The following EIF4ENIF1 variants were observed in gnomAD, a reference collection of about 807,000 sequenced individuals.
EIF4ENIF1 encodes eukaryotic translation initiation factor 4E transporter.
Under a neutral mutation model 110.5 loss-of-function variants are expected in EIF4ENIF1, and 23 were observed. The ratio of observed to expected loss-of-function variants is 0.21; its 90% CI spans 0.15 to 0.29. EIF4ENIF1 has a LOEUF of 0.29. Ranked by LOEUF, EIF4ENIF1 falls within the 10% of genes least tolerant of loss-of-function variation. The pLI is 1.00. For synonymous variants in EIF4ENIF1, 440 were observed against 437.0 expected, an observed-to-expected ratio of 1.01 and a Z score of -0.09; for missense variants, 1,031 against 1,221.1, an observed-to-expected ratio of 0.84 and a Z score of 2.32.
Position 31,447,552 on chromosome 22 carries a change from T to A in EIF4ENIF1, c.1862A>T (p.Glu621Val). The change falls in exon 14 of 19, where the codon GAG becomes GTG. Residue 621 changes from glutamate to valine, a missense_variant. Physicochemically the swap from Glu to Val is moderately radical, Grantham distance 121. Transcript: ENST00000330125. ...SPITAQMSQL[E>V]LQQAALEGLA... ...CCCTTCTAAAGCTGCCTGTTGCAAC[T>A]CCAGCTGGCTCATCTGCTGAAAAGG... 6.2e-7 allele frequency: 1 copy of A among 1,604,024 alleles called. No homozygotes were observed. The highest frequency in any genetic ancestry group is 8.5e-7 in the Non-Finnish European group (1 of 1,173,466).
intron 4 of EIF4ENIF1, among the ~76,000 whole-genome samples, chr22:31,467,878 A>T (rs2051244291): frequency 6.6e-6 from 1 of 152,178 alleles, no homozygotes; most frequent in Non-Finnish European, 1.5e-5. Context: ...AAGCATAATG[A>T]GATTTCCAGC....
At chr22:31,448,301 T>G (rs978768136) in intron 12 of EIF4ENIF1, 69 bp from the exon 13 acceptor site, 2 of 1,462,358 alleles carry the variant, frequency 1.4e-6, no homozygotes, top group East Asian at 4.5e-5. Flanking sequence ...TTTTCATTAA[T>G]GCATGACATT....
At chr22:31,452,433 TA>T (rs1174145210) in intron 10 of EIF4ENIF1, among the ~76,000 whole-genome samples, 1 of 152,216 alleles carries the variant, frequency 6.6e-6, no homozygotes, top group Non-Finnish European at 1.5e-5. Context: ...TTTGCTCAGC[TA>T]AAACCAGATA....
At chr22:31,482,697 A>G (rs747277669) in intron 2 of EIF4ENIF1, among the ~76,000 whole-genome samples, 1 of 150,964 alleles carries the variant, frequency 6.6e-6, no homozygotes, top group African/African-American at 2.4e-5. Context: ...CAAACAAAAA[A>G]AAACAGATTA....
intron 2 of EIF4ENIF1, among the ~76,000 whole-genome samples, chr22:31,480,266 T>C (rs1332752951): frequency 2.6e-5 from 4 of 152,188 alleles, no homozygotes; most frequent in African/African-American, 9.6e-5. Flanking sequence ...ATTACTAGTA[T>C]GAACACCCAC....
intron 14 of EIF4ENIF1, among the ~76,000 whole-genome samples, chr22:31,446,016 G>A (rs1046508323): frequency 6.7e-6 from 1 of 148,796 alleles, no homozygotes; most frequent in African/African-American, 2.5e-5. Flanking sequence ...TGGGCCAGGT[G>A]CGGTGGCTCA....
At chr22:31,456,885 G>T (rs920222513) in intron 7 of EIF4ENIF1, among the ~76,000 whole-genome samples, 3 of 152,188 alleles carry the variant, frequency 2.0e-5, no homozygotes, top group African/African-American at 7.2e-5. Flanking sequence ...TGCCTCAGGA[G>T]TAAATCCACG....
At chr22:31,458,365 A>G in intron 7 of EIF4ENIF1, 110 bp downstream of exon 7, 1 of 946,842 alleles carries the variant, frequency 1.1e-6, no homozygotes, top group Non-Finnish European at 1.4e-6. Context: ...ATGTAAGAAT[A>G]AAAGCCAAAA....
Position 31,449,486 on chromosome 22 carries a change from G to C in EIF4ENIF1, c.1630C>G (p.Leu544Val). The C allele has an allele frequency of 6.2e-7, 1 of 1,613,938 alleles. No homozygotes were observed. Among genetic ancestry groups the C allele is most frequent in the South Asian group, 1.1e-5 (1 of 91,074 alleles). ...TCCAAGCTCCCCATAAGGCCACTCA[G>C]AAGATTGGAAGAAGCAGGTCTCTGA... Reference protein sequence around the residue: ...PVQRPASSNLLSGLMGSLEPT... With the variant: ...PVQRPASSNLVSGLMGSLEPT... Residue 544 changes from leucine to valine, a missense_variant, in exon 12 of 19, where the codon CTG becomes GTG. This residue lies in a region of EIF4ENIF1 where 704 missense variants were observed against 879.7 expected (regional missense o/e 0.80). Coordinates refer to ENST00000330125, the MANE Select transcript of EIF4ENIF1 (RefSeq NM_019843.4).
intron 2 of EIF4ENIF1, among the ~76,000 whole-genome samples, chr22:31,486,920 T>TAAA (rs55836026): frequency 4.2e-5 from 6 of 141,780 alleles, no homozygotes; most frequent in South Asian, 2.3e-4. Context: ...GTCTCTACTA[T>TAAA]AAAAAAAAAA....
intron 2 of EIF4ENIF1, among the ~76,000 whole-genome samples, chr22:31,484,569 C>G (rs2051947430): frequency 6.6e-6 from 1 of 151,922 alleles, no homozygotes; most frequent in Admixed American, 6.6e-5. Flanking sequence ...CCGGCCGGCT[C>G]ACACCTGTAA....
At chr22:31,450,247 C>T in intron 11 of EIF4ENIF1, 42 bp downstream of exon 11, 3 of 1,548,866 alleles carry the variant, frequency 1.9e-6, no homozygotes, top group Non-Finnish European at 2.7e-6. Flanking sequence ...CAGAAGACTA[C>T]TGTTCAAGAC....
rs533688847 is a variant in EIF4ENIF1, at chr22:31,473,708, G to C, written c.97-1791C>G. ...TGTCCTTCACAGACCGTCACTTCTG[G>C]AGGCCATGATGTTCATCTGTCCTTT... On this transcript the variant is annotated intron_variant, in intron 2 of 18. Coordinates refer to ENST00000330125, the MANE Select transcript of EIF4ENIF1 (RefSeq NM_019843.4). 2.6e-5 allele frequency among the ~76,000 whole-genome samples: 4 copies of C among 152,192 alleles called. No individual in the cohort carries two copies. In the South Asian group the frequency reaches 6.2e-4, roughly 24 times the overall value.
chr22:31,457,560 T>C (rs181431430), intron 7 of EIF4ENIF1, among the ~76,000 whole-genome samples: 46 of 152,316 alleles, frequency 3.0e-4, no homozygotes, highest in African/African-American at 1.1e-3. Flanking sequence ...ATGACAGAAT[T>C]AGTGACTGTT....
chr22:31,484,490 T>A (rs1392366061), intron 2 of EIF4ENIF1, among the ~76,000 whole-genome samples: 1 of 151,722 alleles, frequency 6.6e-6, no homozygotes, highest in Non-Finnish European at 1.5e-5. Flanking sequence ...TTTTTGACCC[T>A]GTAAGTAAAC....
intron 10 of EIF4ENIF1, among the ~76,000 whole-genome samples, chr22:31,453,916 A>C (rs1298806787): frequency 1.3e-5 from 2 of 152,176 alleles, no homozygotes; most frequent in African/African-American, 4.8e-5. Context: ...GAATCTTTTA[A>C]TCTTTATACT....
chr22:31,443,180 A>G, intron 15 of EIF4ENIF1, 86 bp from the exon 16 acceptor site: 1 of 1,541,178 alleles, frequency 6.5e-7, no homozygotes, highest in Non-Finnish European at 8.7e-7. Flanking sequence ...AAGATACTCA[A>G]CAAAGAGTCC....
At chr22:31,487,983 C>T (rs979043376) in intron 2 of EIF4ENIF1, among the ~76,000 whole-genome samples, 1 of 152,010 alleles carries the variant, frequency 6.6e-6, no homozygotes, top group African/African-American at 2.4e-5. Context: ...CTGTCAACCT[C>T]TTCAAAAACA....
At chr22:31,489,099 G>A (rs780913210) in intron 1 of EIF4ENIF1, 3 of 186,722 alleles carry the variant, frequency 1.6e-5, no homozygotes, top group Non-Finnish European at 3.4e-5. Context: ...GTAGAAGACT[G>A]GTTAGGCTGG....
Sources: gnomAD v4.1 joint callset for allele counts (sites outside exome capture counted in the v4.1 genomes callset) on GRCh38, gnomAD v4.1.1 for gene constraint, gnomAD v4.1.1 regional missense constraint, MANE v1.5 for transcripts, NCBI Gene and HGNC (gene_info 2026-07-23, HGNC 2026-07-21) for gene names.